Variants in DCAF6 observed in about 807,000 individuals in gnomAD.
DCAF6 encodes the protein DDB1 and CUL4 associated factor 6, also known as DDB1- and CUL4-associated factor 6.
Under a neutral mutation model 125.1 loss-of-function variants are expected in DCAF6, and 54 were observed. That is an observed-to-expected ratio of 0.43 (90% CI 0.35 to 0.54). The LOEUF (loss-of-function observed/expected upper bound fraction) is 0.54, where lower values mean the gene tolerates loss of function less well. Ranked by LOEUF, DCAF6 falls within the 20% of genes least tolerant of loss-of-function variation. The pLI, the probability that DCAF6 is intolerant of heterozygous loss-of-function variation, is 0.01. For synonymous variants in DCAF6, 371 were observed against 390.4 expected, an observed-to-expected ratio of 0.95 and a Z score of 0.58; for missense variants, 934 against 1,161.7, an observed-to-expected ratio of 0.80 and a Z score of 2.85.
chr1:167,936,068 C>A (rs1488386586), upstream of DCAF6: 5 of 577,722 alleles, frequency 8.7e-6, no homozygotes, highest in East Asian at 2.9e-5. Context: ...GCCCCCGGTC[C>A]GCCTCCGGCC....
At chr1:168,013,229 T>C (rs1684536711) in intron 10 of DCAF6, among the ~76,000 whole-genome samples, 1 of 152,232 alleles carries the variant, frequency 6.6e-6, no homozygotes, top group African/African-American at 2.4e-5. Context: ...CTATTGGTAC[T>C]GGATCATTTT....
chr1:168,002,172 T>C (rs1165566135), intron 7 of DCAF6, among the ~76,000 whole-genome samples: 2 of 152,200 alleles, frequency 1.3e-5, no homozygotes, highest in Non-Finnish European at 2.9e-5. Context: ...TAAAAATATC[T>C]TCCTTTTGTC....
At chr1:167,900,800 G>A in the DCAF6 span, among the ~76,000 whole-genome samples, 5 of 152,146 alleles carry the variant, frequency 3.3e-5, no homozygotes, top group Non-Finnish European at 7.4e-5. Context: ...CCAAAGTGCT[G>A]GGATTACAGG....
intron 10 of DCAF6, among the ~76,000 whole-genome samples, chr1:168,006,391 TGAGA>T (rs1229647271): frequency 1.3e-5 from 2 of 152,178 alleles, no homozygotes; most frequent in Non-Finnish European, 2.9e-5. Flanking sequence ...GGGAGATTAT[TGAGA>T]GAATTTTGGT....
chr1:167,999,851 A>C lies in DCAF6; in HGVS notation c.904-2631A>C, dbSNP rs189527823. Among the ~76,000 whole-genome samples, 12 of 152,246 alleles carry C rather than the reference A, an allele frequency of 7.9e-5. 1 individual carries two copies. The highest frequency in any genetic ancestry group is 7.9e-4 in the Admixed American group (12 of 15,286). On this transcript the variant is annotated intron_variant, in intron 7 of 21. Coordinates refer to ENST00000367840, the MANE Select transcript of DCAF6 (RefSeq NM_001198956.2). ...AGTAATAAGGCTGTTTCGTTTTCTT[A>C]TCATTCATATGTCCACTGGAGTAGC...
At chr1:167,911,337 C>T in the DCAF6 span, among the ~76,000 whole-genome samples, 2 of 152,204 alleles carry the variant, frequency 1.3e-5, no homozygotes, top group Admixed American at 6.5e-5. Flanking sequence ...TATCTGCTAG[C>T]CATAATAAAG....
intron 11 of DCAF6, among the ~76,000 whole-genome samples, chr1:168,021,947 G>A (rs1279199418): frequency 6.6e-6 from 1 of 152,146 alleles, no homozygotes; most frequent in East Asian, 1.9e-4. Flanking sequence ...CTAGAGCACA[G>A]GATATTAGAA....
chr1:167,889,366 C>T, the DCAF6 span, among the ~76,000 whole-genome samples: 2 of 152,054 alleles, frequency 1.3e-5, no homozygotes, highest in East Asian at 3.8e-4. Flanking sequence ...GTAGATAAGA[C>T]ATATCACAGT....
rs768005205 is a variant in DCAF6 at position 168,004,668 on chromosome 1, C to T, written c.1253C>T (p.Ser418Leu). The change falls in exon 10 of 22, where the codon TCA (serine) becomes TTA (leucine). Residue 418 changes from serine to leucine, a missense_variant. By Grantham distance (145) the Ser-to-Leu change is moderately radical. Coordinates refer to ENST00000367840, the MANE Select transcript of DCAF6 (RefSeq NM_001198956.2). The stretch of plus-strand genomic sequence containing the variant: ...CAGCCTTCTACATCCTCTACAATGT[C>T]AGCTCAGGCTCATTCGACATCATCT... ...FLQPSTSSTM[S>L]AQAHSTSSPT... 4 of 1,613,954 alleles carry T rather than the reference C, an allele frequency of 2.5e-6. No individual in the cohort carries two copies. Among genetic ancestry groups the T allele is most frequent in the Middle Eastern group, 1.6e-4 (1 of 6,062 alleles).
the DCAF6 span, among the ~76,000 whole-genome samples, chr1:167,911,193 C>T: frequency 6.6e-6 from 1 of 152,298 alleles, no homozygotes; most frequent in Non-Finnish European, 1.5e-5. Flanking sequence ...TAGCTATCTA[C>T]CTGTGAGGGT....
Position 168,061,365 on chromosome 1 carries a change from T to C in DCAF6, c.2301-2256T>C, listed in dbSNP as rs576354981. ...CATCTTTTTATTATGAAAGTAGAAG[T>C]ATATAATTGTTACATAATTATTTTA... On this transcript the variant is annotated intron_variant, in intron 17 of 21. Transcript: ENST00000367840. 8.5e-5 allele frequency among the ~76,000 whole-genome samples: 13 copies of C among 152,342 alleles called. No individual in the cohort carries two copies. The South Asian group carries it at 2.7e-3, about 32-fold the overall frequency.
the DCAF6 span, among the ~76,000 whole-genome samples, chr1:167,925,293 A>T: frequency 6.6e-6 from 1 of 151,702 alleles, no homozygotes; most frequent in Non-Finnish European, 1.5e-5. Context: ...GCTCAATACT[A>T]TTCATACTTG....
chr1:167,993,322 G>A lies in DCAF6; in HGVS notation c.785G>A (p.Ser262Asn). Residue 262 changes from serine (S) to asparagine (N), a missense_variant, in exon 7 of 22, where the codon AGT (serine) becomes AAT (asparagine). Coordinates refer to ENST00000367840, the MANE Select transcript of DCAF6 (RefSeq NM_001198956.2). Reference sequence around the variant, plus strand: ...TGCAGAGTGACATCTCTGTGTTACAGTGAAGATGGTCAAGAGATTCTCGTT... The same window carrying A: ...TGCAGAGTGACATCTCTGTGTTACAATGAAGATGGTCAAGAGATTCTCGTT... ...KSCRVTSLCYSEDGQEILVSY... is the reference protein window; with the variant it reads ...KSCRVTSLCYNEDGQEILVSY... 1 of 1,613,924 alleles carries A rather than the reference G, an allele frequency of 6.2e-7. No homozygotes were observed. The highest frequency in any genetic ancestry group is 8.5e-7 in the Non-Finnish European group (1 of 1,179,860).
chr1:167,985,032 AAAAACCATCATATCTCAT>A (rs1679746575), intron 4 of DCAF6, among the ~76,000 whole-genome samples: 1 of 152,168 alleles, frequency 6.6e-6, no homozygotes, highest in Non-Finnish European at 1.5e-5. Context: ...CTCCCATTTT[AAAAACCATCATATCTCAT>A]GAGACTTATG....
intron 1 of DCAF6, among the ~76,000 whole-genome samples, chr1:167,943,113 G>T (rs1283180330): frequency 6.6e-6 from 1 of 152,108 alleles, no homozygotes; most frequent in Admixed American, 6.6e-5. Flanking sequence ...GTTTCACCGC[G>T]TTAGCCAGGA....
At chr1:167,902,074 T>A in the DCAF6 span, 62 of 1,537,712 alleles carry the variant, frequency 4.0e-5, no homozygotes, top group Middle Eastern at 3.4e-4. Flanking sequence ...AAAAAAAAAA[T>A]TAAATCAAAC....
At chr1:167,952,005 T>G in intron 2 of DCAF6, 144 bp downstream of exon 2, 1 of 536,976 alleles carries the variant, frequency 1.9e-6, no homozygotes, top group South Asian at 3.1e-5. Flanking sequence ...TAAAATTATA[T>G]TTTGAATCTA....
the DCAF6 span, among the ~76,000 whole-genome samples, chr1:167,885,911 G>A: frequency 6.6e-6 from 1 of 152,108 alleles, no homozygotes; most frequent in Non-Finnish European, 1.5e-5. Context: ...ACTGCGCCTG[G>A]CCTTATTCAG....
intron 11 of DCAF6, among the ~76,000 whole-genome samples, chr1:168,021,040 C>T (rs1020471395): frequency 6.6e-6 from 1 of 152,094 alleles, no homozygotes; most frequent in South Asian, 2.1e-4. Flanking sequence ...TCTGTCTTAA[C>T]ATAGCTTTAA....
Sources: allele counts gnomAD v4.1 joint callset (sites outside exome capture counted in the v4.1 genomes callset), GRCh38; gene constraint gnomAD v4.1.1; transcripts MANE v1.5; gene names NCBI Gene and HGNC (gene_info 2026-07-23, HGNC 2026-07-21).